THSD1: variants seen among roughly 807,000 people sequenced by gnomAD.
THSD1 encodes thrombospondin type 1 domain containing 1.
Under a neutral mutation model 46.3 loss-of-function variants are expected in THSD1, and 34 were observed. The observed-to-expected ratio is 0.74, with a 90% CI of 0.56 to 0.98. The LOEUF (loss-of-function observed/expected upper bound fraction) is 0.98. Ranked by LOEUF, THSD1 falls within the 50% of genes least tolerant of loss-of-function variation. THSD1 has a pLI of 0.00. For synonymous variants in THSD1, 407 were observed against 416.5 expected, an observed-to-expected ratio of 0.98 and a Z score of 0.28; for missense variants, 1,023 against 1,058.3, an observed-to-expected ratio of 0.97 and a Z score of 0.46.
chr13:52,402,568 T>G lies in THSD1; in HGVS notation c.33A>C (p.Leu11=). The G allele has an allele frequency of 3.7e-6, 6 of 1,613,944 alleles. No homozygotes were observed. The highest frequency in any genetic ancestry group is 5.1e-6 in the Non-Finnish European group (6 of 1,179,888). MKPMLKDFSN[L]LLVVLCDYVL... is the part of the protein sequence containing the mutation. ...CATAGTCACAGAGTACCACCAACAATAGATTTGAAAAGTCTTTCAACATTG... is the reference window on the plus strand; with the variant it reads ...CATAGTCACAGAGTACCACCAACAAGAGATTTGAAAAGTCTTTCAACATTG... The change falls in exon 2 of 5, where the codon CTA becomes CTC. Residue 11 remains leucine (L), a synonymous_variant. Coordinates refer to ENST00000258613, the MANE Select transcript of THSD1 (RefSeq NM_018676.4).
At chr13:52,385,686 A>G (rs1262788031) in intron 4 of THSD1, among the ~76,000 whole-genome samples, 1 of 104,826 alleles carries the variant, frequency 9.5e-6, no homozygotes, top group Non-Finnish European at 2.2e-5. Context: ...GGGGAGAAAC[A>G]GAGGGAGAAA....
intron 2 of THSD1, among the ~76,000 whole-genome samples, chr13:52,398,735 A>G (rs747464735): frequency 2.0e-5 from 3 of 152,250 alleles, no homozygotes; most frequent in Admixed American, 6.5e-5. Context: ...ACAATGTGAT[A>G]TATCTGCAAT....
At position 52,378,564 on chromosome 13, in the gene THSD1, C is replaced by T; in HGVS notation, c.1406G>A (p.Cys469Tyr). Residue 469 changes from cysteine (C) to tyrosine (Y), a missense_variant, in exon 5 of 5, where the codon TGC becomes TAC. This residue lies in a region of THSD1 where 578 missense variants were observed against 497.4 expected (regional missense o/e 1.16). Transcript: ENST00000258613. ...GCTCCCGCGCTGCTCGCTCAGCTCG[C>T]AGATATTCTCCTCGTCCGAGTTCTT... ...FRKNSDEENI[C>Y]ELSEQRGSFS... 1 of 1,614,184 alleles carries T rather than the reference C, an allele frequency of 6.2e-7. No individual in the cohort carries two copies. The highest frequency in any genetic ancestry group is 8.5e-7 in the Non-Finnish European group (1 of 1,180,050).
chr13:52,402,183 G>A (rs922837160), intron 2 of THSD1, among the ~76,000 whole-genome samples: 2 of 152,174 alleles, frequency 1.3e-5, no homozygotes, highest in African/African-American at 2.4e-5. Context: ...GAAATCTTAT[G>A]TAGAACCCTA....
chr13:52,382,799 G>A (rs1327414626), intron 4 of THSD1, among the ~76,000 whole-genome samples: 1 of 152,012 alleles, frequency 6.6e-6, no homozygotes, highest in Non-Finnish European at 1.5e-5. Context: ...CCAGGAGTTC[G>A]AGACCAGCCT....
chr13:52,398,606 C>A (rs1957829414), intron 2 of THSD1: 1 of 985,262 alleles, frequency 1.0e-6, no homozygotes, highest in Non-Finnish European at 1.2e-6. Context: ...TGATACTGAG[C>A]ACAGATCCTG....
At chr13:52,402,793 G>A (rs1957875065) in intron 1 of THSD1, 112 bp from the exon 2 acceptor site, 7 of 1,373,378 alleles carry the variant, frequency 5.1e-6, no homozygotes, top group Non-Finnish European at 6.6e-6. Context: ...GATATTGAAA[G>A]GAAACTAGAG....
chr13:52,386,094 G>C lies in THSD1; in HGVS notation c.1114C>G (p.Pro372Ala). The change falls in exon 4 of 5, where the codon CCC (proline) becomes GCC (alanine). Residue 372 changes from proline to alanine, a missense_variant. This residue lies in a region of THSD1 where 429 missense variants were observed against 518.3 expected (regional missense o/e 0.83). Coordinates refer to ENST00000258613, the MANE Select transcript of THSD1 (RefSeq NM_018676.4). ...ATTCCAGGGCAGACAGGACTGGAGGGGAAGGAAGTGAGACACACTCGGCGA... is the reference window on the plus strand; with the variant it reads ...ATTCCAGGGCAGACAGGACTGGAGGCGAAGGAAGTGAGACACACTCGGCGA... ...ERRRVCLTSFPSSPVCPGMSL... is the reference protein window; with the variant it reads ...ERRRVCLTSFASSPVCPGMSL... The C allele has an allele frequency of 1.9e-6, 3 of 1,614,094 alleles. No individual in the cohort carries two copies.
In THSD1 at chr13:52,397,693, T is replaced by C; in HGVS notation, c.560A>G (p.Glu187Gly). ...EARRNSRQPLEIRTSKRTELA... is the reference protein window; with the variant it reads ...EARRNSRQPLGIRTSKRTELA... The stretch of plus-strand genomic sequence containing the variant: ...TTCTGTCCTTTTGCTGGTTCTTATT[T>C]CCAGCGGCTGTCTTGAATTTCTTCT... Residue 187 changes from glutamate to glycine, a missense_variant, in exon 3 of 5, where the codon GAA becomes GGA. Glu to Gly is a moderately conservative substitution (Grantham distance 98). Transcript: ENST00000258613. 1 of 1,614,200 alleles carries C rather than the reference T, an allele frequency of 6.2e-7. No individual in the cohort carries two copies. Among genetic ancestry groups the C allele is most frequent in the African/African-American group, 1.3e-5 (1 of 75,044 alleles).
At chr13:52,379,499 T>A (rs1320900428) in intron 4 of THSD1, among the ~76,000 whole-genome samples, 1 of 151,052 alleles carries the variant, frequency 6.6e-6, no homozygotes, top group African/African-American at 2.4e-5. Context: ...TGAGACGGAG[T>A]CTTGCTCTGT....
rs541936067 is a variant in THSD1, at chr13:52,397,278, G to A, written c.975C>T (p.Ser325=). 6.0e-5 allele frequency: 96 copies of A among 1,611,214 alleles called. 3 individuals carry two copies. The South Asian group carries it at 1.0e-3, about 17-fold the overall frequency. The change falls in exon 3 of 5, where the codon AGC becomes AGT. Residue 325 remains serine (S), a synonymous_variant. Transcript: ENST00000258613. ...TGCACTCCTCCTTTGCAGAAAAATGGCTTCTGCTTGAAATGCCAAAGTCAA... is the reference window on the plus strand; with the variant it reads ...TGCACTCCTCCTTTGCAGAAAAATGACTTCTGCTTGAAATGCCAAAGTCAA... The part of the protein sequence containing the change: ...YCFDFGISSR[S]HFSAKEECML...
At position 52,377,895 on chromosome 13, in the gene THSD1, T is replaced by C; in HGVS notation, c.2075A>G (p.Glu692Gly). 6.2e-7 allele frequency: 1 copy of C among 1,614,208 alleles called. No homozygotes were observed. The highest frequency in any genetic ancestry group is 2.2e-5 in the East Asian group (1 of 44,882). ...TCGACTCTGAGGCCTAAATCTGTCC[T>C]CTGCCTGCTCGCAGGTCCGCGTCCT... Reference protein sequence around the residue: ...SSRTRTCEQAEDRFRPQSRGA... With the variant: ...SSRTRTCEQAGDRFRPQSRGA... The change falls in exon 5 of 5, where the codon GAG becomes GGG. Residue 692 changes from glutamate to glycine, a missense_variant. Physicochemically the swap from Glu to Gly is moderately conservative, Grantham distance 98 (BLOSUM62 -2). Transcript: ENST00000258613.
chr13:52,377,339 A>G lies in THSD1; in HGVS notation c.*72T>C. On this transcript the variant is annotated 3_prime_UTR_variant, in exon 5 of 5. Coordinates refer to ENST00000258613, the MANE Select transcript of THSD1 (RefSeq NM_018676.4). ...TCCTCACATTCTGTCCTACGGTACA[A>G]ATAGTTACACAAAAGTCTACAAAAC... 3 of 1,453,536 alleles carry G rather than the reference A, an allele frequency of 2.1e-6. No homozygotes were observed. Among genetic ancestry groups the G allele is most frequent in the Non-Finnish European group, 2.7e-6 (3 of 1,096,796 alleles). The allele number at this position is 1,453,536 out of a possible 1,614,324, so 90.0% of individuals were successfully genotyped here.
rs747901587 is a variant in THSD1 at position 52,378,484 on chromosome 13, G to C, written c.1486C>G (p.Leu496Val). 1 of 1,614,220 alleles carries C rather than the reference G, an allele frequency of 6.2e-7. No individual in the cohort carries two copies. Among genetic ancestry groups the C allele is most frequent in the South Asian group, 1.1e-5 (1 of 91,092 alleles). The change falls in exon 5 of 5, where the codon CTG becomes GTG. Residue 496 changes from leucine to valine, a missense_variant. Leu to Val is a conservative substitution (Grantham distance 32, BLOSUM62 1). Around this residue, in one of 3 missense-constraint regions of THSD1, gnomAD observed 578 missense variants for 497.4 expected, o/e 1.16. Coordinates refer to ENST00000258613, the MANE Select transcript of THSD1 (RefSeq NM_018676.4). ...TGSPGDTGIP[L>V]TYRRSGPVPP... ...ACCGGCCCGCTCCGCCTGTAGGTCAGAGGGATGCCTGTGTCCCCTGGACTC... is the reference window on the plus strand; with the variant it reads ...ACCGGCCCGCTCCGCCTGTAGGTCACAGGGATGCCTGTGTCCCCTGGACTC...
intron 3 of THSD1, among the ~76,000 whole-genome samples, chr13:52,394,852 G>A (rs1245551105): frequency 1.3e-5 from 2 of 152,168 alleles, no homozygotes; most frequent in Admixed American, 1.3e-4. Context: ...GCTGTGCAGA[G>A]GGGATTTATA....
chr13:52,398,674 T>A, intron 2 of THSD1: 1 of 884,608 alleles, frequency 1.1e-6, no homozygotes, highest in Non-Finnish European at 1.4e-6. Context: ...TCATCTTTCA[T>A]AGTTAGGTTT....
At chr13:52,404,274 T>A (rs956471917) in intron 1 of THSD1, among the ~76,000 whole-genome samples, 3 of 152,172 alleles carry the variant, frequency 2.0e-5, no homozygotes, top group African/African-American at 7.2e-5. Context: ...TAAGCAAGTA[T>A]ATTATATTCC....
At chr13:52,404,061 C>T (rs964256210) in intron 1 of THSD1, among the ~76,000 whole-genome samples, 1 of 151,046 alleles carries the variant, frequency 6.6e-6, no homozygotes, top group African/African-American at 2.4e-5. Flanking sequence ...GATTGTCCCA[C>T]CTCAGGCTTC....
chr13:52,386,818 A>C (rs1361340262), intron 3 of THSD1, among the ~76,000 whole-genome samples: 1 of 152,196 alleles, frequency 6.6e-6, no homozygotes, highest in African/African-American at 2.4e-5. Context: ...ACTTGGGGAA[A>C]GGCCTCAAAC....
Sources: gnomAD v4.1 joint callset for allele counts (sites outside exome capture counted in the v4.1 genomes callset) on GRCh38, gnomAD v4.1.1 for gene constraint, gnomAD v4.1.1 regional missense constraint, MANE v1.5 for transcripts, NCBI Gene and HGNC (gene_info 2026-07-23, HGNC 2026-07-21) for gene names.